Variants in CSMD1 observed in about 807,000 individuals in gnomAD.
The protein encoded by CSMD1 is CUB and sushi domain-containing protein 1.
Under a neutral mutation model 417.5 loss-of-function variants are expected in CSMD1, and 213 were observed. That is an observed-to-expected ratio of 0.51 (90% CI 0.46 to 0.57). The LOEUF (loss-of-function observed/expected upper bound fraction) is 0.57, where lower values mean the gene tolerates loss of function less well. Ranked by LOEUF, CSMD1 falls within the 20% of genes least tolerant of loss-of-function variation. The probability of loss-of-function intolerance (pLI) is 0.00; values close to 1 mark genes in which losing one functional copy is unlikely to be tolerated. For synonymous variants in CSMD1, 2,862 were observed against 1,736.8 expected, an observed-to-expected ratio of 1.65 and a Z score of -16.11; for missense variants, 6,923 against 4,529.7, an observed-to-expected ratio of 1.53 and a Z score of -15.17.
At chr8:4,536,571 A>G (rs1356376351) in intron 2 of CSMD1, among the ~76,000 whole-genome samples, 1 of 152,170 alleles carries the variant, frequency 6.6e-6, no homozygotes, top group Non-Finnish European at 1.5e-5. Context: ...GCAGCATCGG[A>G]CACTGTTGTG....
intron 8 of CSMD1, among the ~76,000 whole-genome samples, chr8:3,607,899 G>C (rs530690266): frequency 6.6e-6 from 1 of 152,218 alleles, no homozygotes; most frequent in Admixed American, 6.5e-5. Context: ...GCCAGGCACA[G>C]TGGTTCATGC....
At chr8:4,361,746 G>T (rs148349953) in intron 3 of CSMD1, among the ~76,000 whole-genome samples, 2 of 151,620 alleles carry the variant, frequency 1.3e-5, no homozygotes, top group African/African-American at 2.4e-5. Context: ...ACGAGGTCAG[G>T]AGATCGAGAC....
Position 4,444,331 on chromosome 8 carries a change from A to C in CSMD1, c.303-24266T>G, listed in dbSNP as rs1386804018. Among the ~76,000 whole-genome samples the C allele has an allele frequency of 8.2e-5, 10 of 121,308 alleles. No homozygotes were observed. In the Admixed American group the frequency reaches 1.1e-3, roughly 14 times the overall value. The allele number at this position is 121,308 out of a possible 152,430, so 79.6% of individuals were successfully genotyped here. On this transcript the variant is annotated intron_variant, in intron 2 of 69. Transcript: ENST00000635120. The stretch of plus-strand genomic sequence containing the variant: ...GACTTCACTCAAGCCTGGGCTACAG[A>C]GTGAGACTCCATCTCAAAAAAAAAA...
chr8:4,926,664 G>A (rs374644276), intron 1 of CSMD1, among the ~76,000 whole-genome samples: 2 of 152,202 alleles, frequency 1.3e-5, no homozygotes, highest in South Asian at 2.1e-4. Context: ...AATATGACCA[G>A]TATTCTTCTG....
At chr8:3,909,070 T>G (rs1339462851) in intron 5 of CSMD1, among the ~76,000 whole-genome samples, 1 of 152,164 alleles carries the variant, frequency 6.6e-6, no homozygotes, top group African/African-American at 2.4e-5. Flanking sequence ...AGAAGGCCTT[T>G]GGAGAATTCT....
chr8:3,197,753 C>T (rs1038216619), intron 33 of CSMD1, among the ~76,000 whole-genome samples: 8 of 152,138 alleles, frequency 5.3e-5, no homozygotes, highest in African/African-American at 1.7e-4. Flanking sequence ...CTTGAGCCAC[C>T]GTGCCCGGCT....
At chr8:3,317,842 G>C (rs1805877716) in intron 23 of CSMD1, among the ~76,000 whole-genome samples, 1 of 152,172 alleles carries the variant, frequency 6.6e-6, no homozygotes, top group African/African-American at 2.4e-5. Flanking sequence ...ACAAGGTCTT[G>C]CTCTGTGACC....
rs552912192 is a variant in CSMD1, at chr8:3,537,574, T to G, written c.1344+37371A>C. On this transcript the variant is annotated intron_variant, in intron 10 of 69. Coordinates refer to ENST00000635120, the MANE Select transcript of CSMD1 (RefSeq NM_033225.6). ...AACATTAATATTTGCATGTTTGTTT[T>G]AGATAGCTCTATTATTCTGATAATG... Among the ~76,000 whole-genome samples, 6 of 152,390 alleles carry G rather than the reference T, an allele frequency of 3.9e-5. No homozygotes were observed. In the South Asian group the frequency reaches 1.2e-3, roughly 32 times the overall value.
intron 6 of CSMD1, among the ~76,000 whole-genome samples, chr8:3,727,537 T>G (rs1802564086): frequency 6.6e-6 from 1 of 152,160 alleles, no homozygotes; most frequent in Non-Finnish European, 1.5e-5. Flanking sequence ...GAGGCAGCTG[T>G]CGTGAAAAAA....
intron 1 of CSMD1, among the ~76,000 whole-genome samples, chr8:4,640,955 A>G (rs2130867408): frequency 6.6e-6 from 1 of 151,616 alleles, no homozygotes; most frequent in African/African-American, 2.4e-5. Context: ...CAATGGCAAT[A>G]TCAATGGTAA....
intron 1 of CSMD1, among the ~76,000 whole-genome samples, chr8:4,786,884 G>A (rs1329968418): frequency 5.3e-5 from 8 of 152,102 alleles, no homozygotes; most frequent in African/African-American, 1.9e-4. Flanking sequence ...TAAGTGAAAT[G>A]CTAAGAAATA....
chr8:4,623,347 C>G (rs73506804), intron 2 of CSMD1, among the ~76,000 whole-genome samples: 5,269 of 152,148 alleles, frequency 0.035, 271 homozygotes, highest in African/African-American at 0.11. Context: ...CTAAATATAG[C>G]AAAAACATAC....
chr8:3,827,762 T>C (rs564371187), intron 5 of CSMD1, among the ~76,000 whole-genome samples: 1 of 152,306 alleles, frequency 6.6e-6, no homozygotes, highest in East Asian at 1.9e-4. Context: ...AATGAATAGT[T>C]GATTGGGAAA....
At chr8:4,586,973 T>C (rs1033000549) in intron 2 of CSMD1, among the ~76,000 whole-genome samples, 26 of 152,232 alleles carry the variant, frequency 1.7e-4, no homozygotes, top group Admixed American at 1.6e-3. Context: ...GTTACATCTA[T>C]ATAAGAGCGC....
intron 68 of CSMD1, among the ~76,000 whole-genome samples, chr8:2,944,636 T>A (rs1802095823): frequency 6.6e-6 from 1 of 152,108 alleles, no homozygotes; most frequent in Non-Finnish European, 1.5e-5. Flanking sequence ...TCTTGACTCC[T>A]CAGAACCTGC....
chr8:4,828,420 A>C (rs1476729053), intron 1 of CSMD1, among the ~76,000 whole-genome samples: 2 of 152,122 alleles, frequency 1.3e-5, no homozygotes, highest in Non-Finnish European at 2.9e-5. Flanking sequence ...TAACCACGCA[A>C]AGCAGGGGAG....
At chr8:4,912,180 A>C (rs1355049237) in intron 1 of CSMD1, among the ~76,000 whole-genome samples, 1 of 151,232 alleles carries the variant, frequency 6.6e-6, no homozygotes, top group Non-Finnish European at 1.5e-5. Flanking sequence ...GAAAAAGACA[A>C]TGCATAAAAT....
At chr8:3,749,036 G>A (rs542044851) in intron 6 of CSMD1, among the ~76,000 whole-genome samples, 4 of 152,332 alleles carry the variant, frequency 2.6e-5, no homozygotes, top group South Asian at 4.1e-4. Context: ...GTAAAGGTGT[G>A]TAAAACTGGA....
chr8:4,537,395 G>C (rs1231823551), intron 2 of CSMD1, among the ~76,000 whole-genome samples: 1 of 151,994 alleles, frequency 6.6e-6, no homozygotes, highest in Non-Finnish European at 1.5e-5. Context: ...ATGTAATATT[G>C]CATATAGCTT....
Sources: gnomAD v4.1 joint callset for allele counts (sites outside exome capture counted in the v4.1 genomes callset) on GRCh38, gnomAD v4.1.1 for gene constraint, MANE v1.5 for transcripts, NCBI Gene and HGNC (gene_info 2026-07-23, HGNC 2026-07-21) for gene names.